KCNA2: variants seen among roughly 807,000 people sequenced by gnomAD.
KCNA2 encodes the protein potassium channel, voltage gated shaker related subfamily A, member 2.
A neutral mutation model predicts 33.4 loss-of-function variants in KCNA2; 11 were observed. That is an observed-to-expected ratio of 0.33 (90% CI 0.21 to 0.55). The LOEUF (loss-of-function observed/expected upper bound fraction) is 0.55, where lower values mean the gene tolerates loss of function less well. KCNA2 is among the 20% of genes least tolerant of loss of function. KCNA2 has a pLI of 0.93. For synonymous variants in KCNA2, 222 were observed against 231.3 expected, an observed-to-expected ratio of 0.96 and a Z score of 0.37; for missense variants, 291 against 621.6, an observed-to-expected ratio of 0.47 and a Z score of 5.66.
At chr1:110,623,035 A>G (rs1229824352) in intron 1 of KCNA2, among the ~76,000 whole-genome samples, 4 of 152,218 alleles carry the variant, frequency 2.6e-5, no homozygotes, top group Admixed American at 2.6e-4. Flanking sequence ...AAAGAACAAG[A>G]TTAGAGGGCT....
chr1:110,594,848 G>A lies in KCNA2; in HGVS notation c.*8435C>T. The A allele has an allele frequency of 2.0e-6, 2 of 985,270 alleles. No individual in the cohort carries two copies. Among genetic ancestry groups the A allele is most frequent in the Non-Finnish European group, 2.4e-6 (2 of 829,890 alleles). 61.0% of individuals were successfully genotyped at this position (985,270 alleles called of 1,614,324 possible). A position where few individuals can be genotyped will look rare whatever the true frequency, so the allele number is the denominator to read the frequency against. On this transcript the variant is annotated 3_prime_UTR_variant, in exon 3 of 3. Transcript: ENST00000316361. The stretch of plus-strand genomic sequence containing the variant: ...ATGTGCTCCTTTCCAGCCCCACCTG[G>A]CAGGTCAAAGTCCTTGCCCTACACT...
Position 110,596,260 on chromosome 1 carries a change from C to G in KCNA2, c.*7023G>C. On this transcript the variant is annotated 3_prime_UTR_variant, in exon 3 of 3. Coordinates refer to ENST00000316361, the MANE Select transcript of KCNA2 (RefSeq NM_004974.4). The stretch of plus-strand genomic sequence containing the variant: ...TATTCCTTGGATTGCCAAATTTATT[C>G]CACATAAGTGAAACTAAGGAGATTG... The G allele has an allele frequency of 1.0e-6, 1 of 982,992 alleles. No homozygotes were observed. The highest frequency in any genetic ancestry group is 1.7e-5 in the African/African-American group (1 of 57,172). The allele number at this position is 982,992 out of a possible 1,614,324, so 60.9% of individuals were successfully genotyped here.
At position 110,601,706 on chromosome 1, in the gene KCNA2, C is replaced by T; in HGVS notation, c.*1577G>A. The T allele has an allele frequency of 1.2e-5, 13 of 1,130,192 alleles. No homozygotes were observed. The highest frequency in any genetic ancestry group is 1.3e-5 in the Non-Finnish European group (12 of 925,608). 70.0% of individuals were successfully genotyped at this position (1,130,192 alleles called of 1,614,324 possible). ...TGGGGTTACCAATGAGACAAATTAACCCATTAGGCCTCTTAGACAGCCAAC... is the reference window on the plus strand; with the variant it reads ...TGGGGTTACCAATGAGACAAATTAATCCATTAGGCCTCTTAGACAGCCAAC... On this transcript the variant is annotated 3_prime_UTR_variant, in exon 3 of 3. Transcript: ENST00000316361.
At chr1:110,610,709 G>A (rs1043084307), upstream of KCNA2, among the ~76,000 whole-genome samples, 2 of 152,160 alleles carry the variant, frequency 1.3e-5, no homozygotes, top group African/African-American at 4.8e-5. Context: ...CTGGTCTCAG[G>A]AACAGAGATT....
chr1:110,600,468 T>G lies in KCNA2; in HGVS notation c.*2815A>C. ...GTGTAAATTCTATATCTGTGCAGAG[T>G]GTGCATTTTATATACAATTATAACC... is the stretch of plus-strand genomic sequence containing the variant. On this transcript the variant is annotated 3_prime_UTR_variant, in exon 3 of 3. Coordinates refer to ENST00000316361, the MANE Select transcript of KCNA2 (RefSeq NM_004974.4). 9 of 985,102 alleles carry G rather than the reference T, an allele frequency of 9.1e-6. No homozygotes were observed. The highest frequency in any genetic ancestry group is 1.1e-5 in the Non-Finnish European group (9 of 829,764). 61.0% of individuals were successfully genotyped at this position (985,102 alleles called of 1,614,324 possible).
At chr1:110,611,782 G>A (rs939654940) in intron 1 of KCNA2, among the ~76,000 whole-genome samples, 5 of 151,786 alleles carry the variant, frequency 3.3e-5, no homozygotes, top group Non-Finnish European at 7.4e-5. Context: ...TAACACTCTG[G>A]GAGGTTGAGG....
In KCNA2 at chr1:110,598,983, T is replaced by C; in HGVS notation, c.*4300A>G. On this transcript the variant is annotated 3_prime_UTR_variant, in exon 3 of 3. Coordinates refer to ENST00000316361, the MANE Select transcript of KCNA2 (RefSeq NM_004974.4). ...AAAATGAATCCACAGAGGCACTTGA[T>C]GAAGCCAACAGGAATGGTACCTTGA... The C allele has an allele frequency of 1.0e-6, 1 of 985,460 alleles. No homozygotes were observed. The allele number at this position is 985,460 out of a possible 1,614,324, so 61.0% of individuals were successfully genotyped here. A position where few individuals can be genotyped will look rare whatever the true frequency, so the allele number is the denominator to read the frequency against.
chr1:110,601,734 A>T lies in KCNA2; in HGVS notation c.*1549T>A. Reference sequence around the variant, plus strand: ...ATTAGGCCTCTTAGACAGCCAACCCACCAAGCAGTGGATTTGCTCCTGAAC... The same window carrying T: ...ATTAGGCCTCTTAGACAGCCAACCCTCCAAGCAGTGGATTTGCTCCTGAAC... On this transcript the variant is annotated 3_prime_UTR_variant, in exon 3 of 3. Transcript: ENST00000316361. The T allele has an allele frequency of 8.5e-7, 1 of 1,176,224 alleles. No homozygotes were observed. The highest frequency in any genetic ancestry group is 1.0e-6 in the Non-Finnish European group (1 of 955,078). 72.9% of individuals were successfully genotyped at this position (1,176,224 alleles called of 1,614,324 possible). A position where few individuals can be genotyped will look rare whatever the true frequency, so the allele number is the denominator to read the frequency against.
chr1:110,594,034 A>C lies in KCNA2; in HGVS notation c.*9249T>G. On this transcript the variant is annotated 3_prime_UTR_variant, in exon 3 of 3. Coordinates refer to ENST00000316361, the MANE Select transcript of KCNA2 (RefSeq NM_004974.4). Reference sequence around the variant, plus strand: ...AGCTCTCATTGGTCCCCAGCCTCTTATCACCATGGAGACCCCAGTTCCCTT... The same window carrying C: ...AGCTCTCATTGGTCCCCAGCCTCTTCTCACCATGGAGACCCCAGTTCCCTT... 6.6e-7 allele frequency: 1 copy of C among 1,526,542 alleles called. No homozygotes were observed. The highest frequency in any genetic ancestry group is 8.8e-7 in the Non-Finnish European group (1 of 1,137,210). 94.6% of individuals were successfully genotyped at this position (1,526,542 alleles called of 1,614,324 possible). A position where few individuals can be genotyped will look rare whatever the true frequency, so the allele number is the denominator to read the frequency against.
At position 110,593,744 on chromosome 1, in the gene KCNA2, C is replaced by G; in HGVS notation, c.*9539G>C. 1.2e-6 allele frequency: 1 copy of G among 865,998 alleles called. No individual in the cohort carries two copies. Among genetic ancestry groups the G allele is most frequent in the Non-Finnish European group, 1.7e-6 (1 of 592,762 alleles). 53.6% of individuals were successfully genotyped at this position (865,998 alleles called of 1,614,324 possible). A position where few individuals can be genotyped will look rare whatever the true frequency, so the allele number is the denominator to read the frequency against. On this transcript the variant is annotated 3_prime_UTR_variant, in exon 3 of 3. Coordinates refer to ENST00000316361, the MANE Select transcript of KCNA2 (RefSeq NM_004974.4). ...CATGATCAGGTGGACAGGCAATGTTCATTGAGGCACATATGTACACATATA... is the reference window on the plus strand; with the variant it reads ...CATGATCAGGTGGACAGGCAATGTTGATTGAGGCACATATGTACACATATA...
chr1:110,617,514 A>C (rs909499641), intron 1 of KCNA2, among the ~76,000 whole-genome samples: 13 of 152,178 alleles, frequency 8.5e-5, no homozygotes, highest in African/African-American at 3.1e-4. Context: ...TAACTTGGGA[A>C]ATGTGGAGTA....
At position 110,597,895 on chromosome 1, in the gene KCNA2, C is replaced by T. The variant is rs1355380131; in HGVS notation, c.*5388G>A. On this transcript the variant is annotated 3_prime_UTR_variant, in exon 3 of 3. Transcript: ENST00000316361. ...GAAGCAGAAAAAAAGGAAAAGTAAA[C>T]TAGGTTAGTTTGAGGAAGAGAACCT... The T allele has an allele frequency of 1.0e-6, 1 of 985,236 alleles. No homozygotes were observed. The highest frequency in any genetic ancestry group is 1.7e-5 in the African/African-American group (1 of 57,196). The allele number at this position is 985,236 out of a possible 1,614,324, so 61.0% of individuals were successfully genotyped here. A position where few individuals can be genotyped will look rare whatever the true frequency, so the allele number is the denominator to read the frequency against.
chr1:110,593,620 G>T lies in KCNA2; in HGVS notation c.*9663C>A, dbSNP rs995602028. 8 of 317,888 alleles carry T rather than the reference G, an allele frequency of 2.5e-5. No homozygotes were observed. The South Asian group carries it at 4.1e-4, about 16-fold the overall frequency. 19.7% of individuals were successfully genotyped at this position (317,888 alleles called of 1,614,324 possible). A position where few individuals can be genotyped will look rare whatever the true frequency, so the allele number is the denominator to read the frequency against. ...TTATTTTTTTCATATCACACAGAATGATGTTAAAATAAATCCCCAGTAATA... is the reference window on the plus strand; with the variant it reads ...TTATTTTTTTCATATCACACAGAATTATGTTAAAATAAATCCCCAGTAATA... On this transcript the variant is annotated 3_prime_UTR_variant, in exon 3 of 3. Transcript: ENST00000316361.
chr1:110,630,068 T>C (rs6692106), intron 1 of KCNA2, among the ~76,000 whole-genome samples: 21,011 of 145,614 alleles, frequency 0.14, 1,926 homozygotes, highest in East Asian at 0.24. Flanking sequence ...CAGGCTGGAG[T>C]GCAATGGTGC....
rs556952826 is a variant in KCNA2 at position 110,622,053 on chromosome 1, G to C, written c.-496+9342C>G. ...ACCAGACAAAAACATCACCAGTAAA[G>C]AAAACTACAGGACAATATGCTTCAT... On this transcript the variant is annotated intron_variant, in intron 1 of 4. Coordinates refer to the KCNA2 transcript ENST00000369770. Among the ~76,000 whole-genome samples, 524 of 152,108 alleles carry C rather than the reference G, an allele frequency of 3.4e-3. 1 individual carries two copies. Among genetic ancestry groups the C allele is most frequent in the Non-Finnish European group, 5.5e-3 (371 of 67,964 alleles).
At position 110,600,771 on chromosome 1, in the gene KCNA2, G is replaced by A. The variant is rs1387306977; in HGVS notation, c.*2512C>T. 1 of 985,346 alleles carries A rather than the reference G, an allele frequency of 1.0e-6. No individual in the cohort carries two copies. 61.0% of individuals were successfully genotyped at this position (985,346 alleles called of 1,614,324 possible). On this transcript the variant is annotated 3_prime_UTR_variant, in exon 3 of 3. Coordinates refer to ENST00000316361, the MANE Select transcript of KCNA2 (RefSeq NM_004974.4). ...TCAGCACCACCTCCCATGAAGGAGA[G>A]GAAGAGAAGCACAGAGGCTTTGTGC...
chr1:110,624,176 A>G (rs1479134260), intron 1 of KCNA2, among the ~76,000 whole-genome samples: 1 of 152,280 alleles, frequency 6.6e-6, no homozygotes, highest in East Asian at 1.9e-4. Context: ...ATATGTCCAC[A>G]CAAAGACTTA....
Position 110,594,181 on chromosome 1 carries a change from G to A in KCNA2, c.*9102C>T, listed in dbSNP as rs1648986763. On this transcript the variant is annotated 3_prime_UTR_variant, in exon 3 of 3. Transcript: ENST00000316361. ...CAATTATTAGAGACAGGACATGGGA[G>A]GGCAGCTGAAGATTCATGCACAAGC... 1 of 1,242,670 alleles carries A rather than the reference G, an allele frequency of 8.0e-7. No homozygotes were observed. Among genetic ancestry groups the A allele is most frequent in the Admixed American group, 4.2e-5 (1 of 23,982 alleles). The allele number at this position is 1,242,670 out of a possible 1,614,324, so 77.0% of individuals were successfully genotyped here. A position where few individuals can be genotyped will look rare whatever the true frequency, so the allele number is the denominator to read the frequency against.
chr1:110,607,313 G>A (rs1235994295), upstream of KCNA2: 1 of 151,498 alleles, frequency 6.6e-6, no homozygotes, highest in Non-Finnish European at 1.5e-5. Context: ...GCAGAACCCC[G>A]GCAGCGGGCG....
Sources: gnomAD v4.1 joint callset for allele counts (sites outside exome capture counted in the v4.1 genomes callset) on GRCh38, gnomAD v4.1.1 for gene constraint, MANE v1.5 for transcripts, NCBI Gene and HGNC (gene_info 2026-07-23, HGNC 2026-07-21) for gene names.